The following HCN1 variants were observed in gnomAD, a reference collection of about 807,000 sequenced individuals.
HCN1 encodes the protein hyperpolarization activated cyclic nucleotide gated potassium channel 1.
In HCN1, 13 loss-of-function variants were observed where a neutral mutation model predicts 78.9. That is an observed-to-expected ratio of 0.16 (90% CI 0.11 to 0.26). The LOEUF is 0.26. Among genes scored for constraint, HCN1 ranks in the 10% least tolerant of loss-of-function variants. The probability of loss-of-function intolerance (pLI) is 1.00; values close to 1 mark genes in which losing one functional copy is unlikely to be tolerated. For synonymous variants in HCN1, 552 were observed against 455.5 expected (o/e 1.21, Z -2.70); for missense variants, 810 against 1,154.3 (o/e 0.70, Z 4.32).
intron 2 of HCN1, among the ~76,000 whole-genome samples, chr5:45,546,748 T>C (rs1743238122): frequency 6.6e-6 from 1 of 151,904 alleles, no homozygotes; most frequent in Admixed American, 6.6e-5. Flanking sequence ...AATAGAATCA[T>C]AATCTCTCAG....
intron 2 of HCN1, among the ~76,000 whole-genome samples, chr5:45,581,870 A>G (rs1393035788): frequency 6.6e-6 from 1 of 152,022 alleles, no homozygotes; most frequent in East Asian, 1.9e-4. Context: ...GTTCTGTTCC[A>G]TTGGTCTATA....
At chr5:45,334,175 A>G (rs1161061000) in intron 5 of HCN1, among the ~76,000 whole-genome samples, 1 of 151,936 alleles carries the variant, frequency 6.6e-6, no homozygotes, top group Non-Finnish European at 1.5e-5. Flanking sequence ...ATATAAAACT[A>G]TAACTTAAGC....
Position 45,261,894 on chromosome 5 carries a change from T to C in HCN1, c.*27A>G. On this transcript the variant is annotated 3_prime_UTR_variant, in exon 8 of 8. Transcript: ENST00000303230. ...TATAGTCTCAGTTTATGAGAGTATT[T>C]CTTTCTGCTTTGACAATCAGCAGGG... 2 of 1,612,336 alleles carry C rather than the reference T, an allele frequency of 1.2e-6. No homozygotes were observed. The highest frequency in any genetic ancestry group is 4.5e-5 in the East Asian group (2 of 44,880).
chr5:45,562,868 G>A lies in HCN1; in HGVS notation c.849+82317C>T, dbSNP rs548019581. On this transcript the variant is annotated intron_variant, in intron 2 of 7. Transcript: ENST00000303230. ...CTGACACTTTGTTCTCAGAATGGAC[G>A]AATAATAAAAGGCAACATTAATTTG... 1.7e-3 allele frequency among the ~76,000 whole-genome samples: 260 copies of A among 152,234 alleles called. 1 individual carries two copies. Among genetic ancestry groups the A allele is most frequent in the African/African-American group, 6.0e-3 (250 of 41,554 alleles).
intron 1 of HCN1, among the ~76,000 whole-genome samples, chr5:45,676,224 A>ATC (rs1178623426): frequency 6.6e-6 from 1 of 151,750 alleles, no homozygotes; most frequent in African/African-American, 2.4e-5. Flanking sequence ...CTTTTTCATC[A>ATC]TGAATATTGC....
chr5:45,341,299 C>T (rs933187223), intron 5 of HCN1, among the ~76,000 whole-genome samples: 4 of 152,118 alleles, frequency 2.6e-5, no homozygotes, highest in Non-Finnish European at 5.9e-5. Flanking sequence ...TGATTAATAG[C>T]GGAAACAATA....
chr5:45,670,972 A>G (rs1746139810), intron 1 of HCN1, among the ~76,000 whole-genome samples: 1 of 151,788 alleles, frequency 6.6e-6, no homozygotes, highest in Non-Finnish European at 1.5e-5. Flanking sequence ...GAAAAAAGGA[A>G]TAGCCCTAAA....
intron 3 of HCN1, among the ~76,000 whole-genome samples, chr5:45,444,994 T>C (rs1488273949): frequency 6.6e-6 from 1 of 152,096 alleles, no homozygotes; most frequent in Non-Finnish European, 1.5e-5. Flanking sequence ...CCATCTGAGG[T>C]ACCAGGTTCA....
intron 2 of HCN1, among the ~76,000 whole-genome samples, chr5:45,539,937 T>G (rs940871807): frequency 2.1e-5 from 3 of 141,074 alleles, no homozygotes; most frequent in South Asian, 2.1e-4. Context: ...TATATATATA[T>G]ATATATATAT....
chr5:45,514,415 C>A (rs1206104207), intron 2 of HCN1, among the ~76,000 whole-genome samples: 1 of 152,238 alleles, frequency 6.6e-6, no homozygotes, highest in African/African-American at 2.4e-5. Flanking sequence ...TGTAGCCAGA[C>A]AATCTTATTA....
At chr5:45,463,346 T>C (rs1053356285) in intron 2 of HCN1, among the ~76,000 whole-genome samples, 5 of 151,974 alleles carry the variant, frequency 3.3e-5, no homozygotes, top group Admixed American at 6.6e-5. Flanking sequence ...CTATGAGCAT[T>C]AATTCTTTCT....
intron 2 of HCN1, chr5:45,617,539 C>T (rs1744979169): frequency 6.6e-6 from 1 of 152,082 alleles, no homozygotes; most frequent in African/African-American, 2.4e-5. Context: ...ATTCATATTC[C>T]ATTGGCATGA....
intron 3 of HCN1, among the ~76,000 whole-genome samples, chr5:45,423,296 T>A (rs1329536242): frequency 6.6e-6 from 1 of 152,208 alleles, no homozygotes; most frequent in African/African-American, 2.4e-5. Flanking sequence ...AGAGATGGAT[T>A]ACTGCATGTG....
chr5:45,313,831 G>T (rs1745914105), intron 5 of HCN1, among the ~76,000 whole-genome samples: 1 of 152,186 alleles, frequency 6.6e-6, no homozygotes, highest in African/African-American at 2.4e-5. Context: ...AAAGTAAAAA[G>T]AAATGAACAA....
chr5:45,397,901 T>A (rs1739716553), intron 3 of HCN1, among the ~76,000 whole-genome samples: 1 of 151,742 alleles, frequency 6.6e-6, no homozygotes, highest in Non-Finnish European at 1.5e-5. Flanking sequence ...AACTTTATTT[T>A]CAATGATTTA....
Position 45,419,272 on chromosome 5 carries a change from A to G in HCN1, c.1012-22562T>C, listed in dbSNP as rs902398228. 7.9e-5 allele frequency among the ~76,000 whole-genome samples: 12 copies of G among 152,302 alleles called. No individual in the cohort carries two copies. The South Asian group carries it at 8.3e-4, about 11-fold the overall frequency. ...ACCAAGTAACTGCTTACCCAGTACC[A>G]GCAAGTAGCTAATGAGAAGCACCTC... On this transcript the variant is annotated intron_variant, in intron 3 of 7. Coordinates refer to ENST00000303230, the MANE Select transcript of HCN1 (RefSeq NM_021072.4).
chr5:45,314,737 A>T (rs1176246718), intron 5 of HCN1, among the ~76,000 whole-genome samples: 1 of 152,172 alleles, frequency 6.6e-6, no homozygotes, highest in African/African-American at 2.4e-5. Context: ...AGCAAATAGA[A>T]AACAAAAAAA....
intron 5 of HCN1, among the ~76,000 whole-genome samples, chr5:45,314,305 C>CA (rs1296136882): frequency 6.6e-6 from 1 of 151,910 alleles, no homozygotes; most frequent in Non-Finnish European, 1.5e-5. Flanking sequence ...TACAGACAAG[C>CA]AAATGCTGAG....
intron 2 of HCN1, chr5:45,643,182 A>G (rs1391206991): frequency 1.3e-5 from 2 of 152,270 alleles, no homozygotes; most frequent in East Asian, 1.9e-4. Flanking sequence ...AATTACTGCC[A>G]GAAGCCAAAG....
Sources: gnomAD v4.1 joint callset for allele counts (sites outside exome capture counted in the v4.1 genomes callset) on GRCh38, gnomAD v4.1.1 for gene constraint, MANE v1.5 for transcripts, NCBI Gene and HGNC (gene_info 2026-07-23, HGNC 2026-07-21) for gene names.